Variants in HTT-AS observed in about 807,000 individuals in gnomAD.
HTT-AS encodes the protein HTT antisense RNA (head to head).
chr4:3,062,966 C>T (rs1578468178), exon 2 of HTT-AS, among the ~76,000 whole-genome samples: 2 of 152,122 alleles, frequency 1.3e-5, no homozygotes, highest in South Asian at 2.1e-4. Flanking sequence ...CCAGTCCAAC[C>T]GGACCTTTTA....
intron 1 of HTT-AS, among the ~76,000 whole-genome samples, chr4:3,074,209 C>T (rs1467153674): frequency 7.6e-6 from 1 of 131,676 alleles, no homozygotes; most frequent in African/African-American, 2.9e-5. Flanking sequence ...GCCTAATGTC[C>T]CCGTCCCCAG....
At chr4:3,048,961 C>T (rs1169941238), downstream of HTT-AS, among the ~76,000 whole-genome samples, 1 of 152,212 alleles carries the variant, frequency 6.6e-6, no homozygotes, top group East Asian at 1.9e-4. Flanking sequence ...AAGTTTCTCA[C>T]CTACACTGGA....
intron 2 of HTT-AS, among the ~76,000 whole-genome samples, chr4:3,055,649 G>A (rs757661254): frequency 4.6e-5 from 7 of 152,118 alleles, no homozygotes; most frequent in Non-Finnish European, 7.3e-5. Context: ...TAACGTGTAA[G>A]CCAGAAGGAA....
chr4:3,052,799 G>GCCAACCAGGCGAAACCCCGTCACCT (rs1711730801), intron 2 of HTT-AS, among the ~76,000 whole-genome samples: 1 of 151,950 alleles, frequency 6.6e-6, no homozygotes, highest in African/African-American at 2.4e-5. Flanking sequence ...GACCAGCCTG[G>GCCAACCAGGCGAAACCCCGTCACCT]GCAACATGGT....
downstream of HTT-AS, among the ~76,000 whole-genome samples, chr4:3,046,615 A>G (rs111694004): frequency 0.015 from 2,316 of 152,354 alleles, 26 homozygotes; most frequent in Non-Finnish European, 0.025. Flanking sequence ...TGATGTCACT[A>G]TCACCATCGT....
At chr4:3,051,037 T>TGC in intron 2 of HTT-AS, among the ~76,000 whole-genome samples, 1 of 137,992 alleles carries the variant, frequency 7.2e-6, no homozygotes, top group East Asian at 2.0e-4. Context: ...AATTTGTGTG[T>TGC]GTGTGTGTGT....
chr4:3,051,855 C>A (rs1344455600), intron 2 of HTT-AS, among the ~76,000 whole-genome samples: 1 of 150,126 alleles, frequency 6.7e-6, no homozygotes, highest in Non-Finnish European at 1.5e-5. Context: ...GATGGCCCAA[C>A]AAGCTGGTCA....
chr4:3,056,139 G>T (rs542983710), intron 2 of HTT-AS, among the ~76,000 whole-genome samples: 1 of 152,140 alleles, frequency 6.6e-6, no homozygotes, highest in African/African-American at 2.4e-5. Flanking sequence ...AGTGCCCCAG[G>T]GGTCATTAGA....
rs746558666 is a variant in HTT-AS at position 3,063,468 on chromosome 4, AG to A, written n.345del. 8.5e-5 allele frequency: 13 copies of A among 152,456 alleles called. No homozygotes were observed. The South Asian group carries it at 1.2e-3, about 15-fold the overall frequency. 9.4% of individuals were successfully genotyped at this position (152,456 alleles called of 1,614,324 possible). ...GAGCCAGCCTTGGAGCAGGGGTGCA[AG>A]GAGGTCTCTGCACTGGCCAGGCATG... On this transcript the variant is annotated non_coding_transcript_exon_variant, in exon 2 of 3. Transcript: ENST00000664062.
exon 1 of HTT-AS, chr4:3,074,532 C>A (rs993916355): frequency 6.5e-6 from 2 of 307,476 alleles, no homozygotes; most frequent in South Asian, 8.7e-5. Context: ...GCAGAACCTG[C>A]GGGGGCAGGG....
intron 2 of HTT-AS, among the ~76,000 whole-genome samples, chr4:3,060,991 T>C (rs1233382807): frequency 1.3e-5 from 2 of 152,178 alleles, no homozygotes. Flanking sequence ...GGGGCACCCC[T>C]CTCTCTCTAT....
chr4:3,050,501 AG>A (rs1711681563), intron 2 of HTT-AS, among the ~76,000 whole-genome samples: 1 of 152,206 alleles, frequency 6.6e-6, no homozygotes, highest in African/African-American at 2.4e-5. Context: ...ACTGATTTTT[AG>A]GGTCCTTTTC....
chr4:3,049,105 T>C (rs1385671168), exon 3 of HTT-AS, among the ~76,000 whole-genome samples: 1 of 152,146 alleles, frequency 6.6e-6, no homozygotes, highest in East Asian at 1.9e-4. Context: ...CATAGAGGCA[T>C]AAGCAAGGAA....
At chr4:3,061,682 C>CAAAA (rs750529128) in intron 2 of HTT-AS, among the ~76,000 whole-genome samples, 1 of 64,570 alleles carries the variant, frequency 1.5e-5, no homozygotes. Context: ...AACTCCATCT[C>CAAAA]AGAAAAAAAA....
intron 2 of HTT-AS, among the ~76,000 whole-genome samples, chr4:3,051,044 GTGT>G (rs1711693908): frequency 6.7e-6 from 1 of 148,640 alleles, no homozygotes; most frequent in African/African-American, 2.5e-5. Flanking sequence ...GTGTGTGTGT[GTGT>G]GTGTGTGTGT....
chr4:3,067,918 A>T (rs1712085388), intron 1 of HTT-AS, among the ~76,000 whole-genome samples: 1 of 152,162 alleles, frequency 6.6e-6, no homozygotes, highest in African/African-American at 2.4e-5. Flanking sequence ...AAGACAGAGA[A>T]AATCTTAAAA....
chr4:3,057,501 A>G (rs1711830216), intron 2 of HTT-AS, among the ~76,000 whole-genome samples: 1 of 152,216 alleles, frequency 6.6e-6, no homozygotes, highest in African/African-American at 2.4e-5. Flanking sequence ...CTTGCTCAAG[A>G]AAGAATTCAG....
downstream of HTT-AS, among the ~76,000 whole-genome samples, chr4:3,048,512 A>G (rs1711643206): frequency 6.6e-6 from 1 of 152,150 alleles, no homozygotes; most frequent in African/African-American, 2.4e-5. Context: ...GGGTCCCTAT[A>G]CACCAAACCA....
At chr4:3,073,401 G>A (rs1423397734) in intron 1 of HTT-AS, among the ~76,000 whole-genome samples, 1 of 152,218 alleles carries the variant, frequency 6.6e-6, no homozygotes, top group Admixed American at 6.5e-5. Flanking sequence ...CACGGCCTGT[G>A]TCCCAGGCGT....
Sources: allele counts gnomAD v4.1 joint callset (sites outside exome capture counted in the v4.1 genomes callset), GRCh38; gene constraint gnomAD v4.1.1; transcripts MANE v1.5; gene names NCBI Gene and HGNC (gene_info 2026-07-23, HGNC 2026-07-21).